Variants in UVRAG observed in about 807,000 individuals in gnomAD.
The protein encoded by UVRAG is UV radiation resistance-associated gene protein.
Under a neutral mutation model 78.0 loss-of-function variants are expected in UVRAG, and 19 were observed. The observed-to-expected ratio is 0.24, with a 90% CI of 0.17 to 0.36. The LOEUF is 0.36. Among genes scored for constraint, UVRAG ranks in the 10% least tolerant of loss-of-function variants. The pLI, the probability that UVRAG is intolerant of heterozygous loss-of-function variation, is 1.00. For synonymous variants in UVRAG, 323 were observed against 324.6 expected (o/e 1.00, Z 0.05); for missense variants, 740 against 853.8 (o/e 0.87, Z 1.66).
At position 75,872,855 on chromosome 11, in the gene UVRAG, A is replaced by G. The variant is rs532490383; in HGVS notation, c.271-7024A>G. On this transcript the variant is annotated intron_variant, in intron 3 of 14. Transcript: ENST00000356136. ...CACAGGACTCTTGAGTTTCATGAAG[A>G]TTAAGTAAGAATATATAGTCAAATT... 9.8e-5 allele frequency among the ~76,000 whole-genome samples: 15 copies of G among 152,346 alleles called. No homozygotes were observed. The South Asian group carries it at 3.1e-3, about 32-fold the overall frequency.
intron 6 of UVRAG, among the ~76,000 whole-genome samples, chr11:75,939,772 A>AT (rs1948446195): frequency 6.6e-6 from 1 of 152,112 alleles, no homozygotes; most frequent in African/African-American, 2.4e-5. Context: ...GTGGTGTCTT[A>AT]TTTTTTGGAA....
chr11:76,088,494 G>A (rs1263032383), intron 13 of UVRAG, among the ~76,000 whole-genome samples: 1 of 45,282 alleles, frequency 2.2e-5, no homozygotes, highest in Middle Eastern at 0.011. Context: ...GCCCACCCGC[G>A]CCCCCTCCCC....
intron 3 of UVRAG, chr11:75,878,336 A>G (rs1400321754): frequency 1.7e-5 from 3 of 181,152 alleles, no homozygotes; most frequent in African/African-American, 2.5e-5. Context: ...CACTTCCTAG[A>G]TGGGATGGCG....
chr11:76,132,020 G>A (rs936244721), intron 14 of UVRAG, among the ~76,000 whole-genome samples: 25 of 152,322 alleles, frequency 1.6e-4, no homozygotes, highest in African/African-American at 2.2e-4. Context: ...GCCAAAAGAC[G>A]TAATTCTACC....
At chr11:75,836,302 G>GT (rs1945774165) in intron 1 of UVRAG, among the ~76,000 whole-genome samples, 1 of 152,110 alleles carries the variant, frequency 6.6e-6, no homozygotes, top group Non-Finnish European at 1.5e-5. Flanking sequence ...GACATTTTAA[G>GT]TTTAAGAAGC....
Position 75,911,939 on chromosome 11 carries a change from G to A in UVRAG, c.508-15G>A, listed in dbSNP as rs61631142. 172,520 of 1,562,944 alleles carry A rather than the reference G, an allele frequency of 0.11. 15,711 individuals carry two copies. Among genetic ancestry groups the A allele is most frequent in the African/African-American group, 0.46 (34,076 of 73,708 alleles). ...TTGTTTGGTTTTGATTAATTTGTTG[G>A]TTAATGTCTTTCAGGGTTATTCAAA... is the stretch of plus-strand genomic sequence containing the variant. On this transcript the variant is annotated splice_polypyrimidine_tract_variant and intron_variant, in intron 5 of 14. Coordinates refer to ENST00000356136, the MANE Select transcript of UVRAG (RefSeq NM_003369.4).
At chr11:75,963,537 G>T (rs761879756) in intron 7 of UVRAG, among the ~76,000 whole-genome samples, 16 of 152,114 alleles carry the variant, frequency 1.1e-4, no homozygotes, top group Non-Finnish European at 2.1e-4. Flanking sequence ...TTGGCCCATG[G>T]CCATTGTATT....
At chr11:75,981,636 T>C (rs1949396360) in intron 7 of UVRAG, among the ~76,000 whole-genome samples, 1 of 152,138 alleles carries the variant, frequency 6.6e-6, no homozygotes, top group Non-Finnish European at 1.5e-5. Flanking sequence ...TCAAATACTT[T>C]TTCAGTCCTT....
At chr11:75,939,576 T>TAC (rs1242520403) in intron 6 of UVRAG, among the ~76,000 whole-genome samples, 2 of 152,018 alleles carry the variant, frequency 1.3e-5, no homozygotes, top group East Asian at 3.8e-4. Flanking sequence ...TATGCATACA[T>TAC]ACACACACAC....
chr11:76,052,899 C>T (rs1950896129), intron 12 of UVRAG, among the ~76,000 whole-genome samples: 1 of 151,070 alleles, frequency 6.6e-6, no homozygotes, highest in East Asian at 1.9e-4. Flanking sequence ...ATTTTGTCAC[C>T]TCATTTCATT....
intron 4 of UVRAG, among the ~76,000 whole-genome samples, chr11:75,885,591 A>C (rs1158621020): frequency 6.6e-6 from 1 of 152,108 alleles, no homozygotes; most frequent in Admixed American, 6.5e-5. Flanking sequence ...AGCTGTCTTA[A>C]AAAGTATGCT....
chr11:75,956,637 A>T (rs865874514), intron 6 of UVRAG, among the ~76,000 whole-genome samples: 27 of 152,214 alleles, frequency 1.8e-4, no homozygotes, highest in African/African-American at 5.8e-4. Context: ...CTTGCAATTT[A>T]AATTTAAATT....
chr11:76,104,212 G>T (rs568185306), intron 13 of UVRAG, among the ~76,000 whole-genome samples: 1 of 152,252 alleles, frequency 6.6e-6, no homozygotes, highest in Non-Finnish European at 1.5e-5. Context: ...AAGATTAAAT[G>T]AGATGACATA....
intron 6 of UVRAG, among the ~76,000 whole-genome samples, chr11:75,952,792 T>G (rs973687089): frequency 6.6e-6 from 1 of 152,142 alleles, no homozygotes; most frequent in African/African-American, 2.4e-5. Flanking sequence ...CAGGGTCATG[T>G]TGACCTCATG....
intron 6 of UVRAG, chr11:75,915,209 A>T (rs1170017420): frequency 2.0e-5 from 3 of 152,250 alleles, no homozygotes; most frequent in Non-Finnish European, 2.9e-5. Flanking sequence ...GTGCCACTGC[A>T]CTCCAGCCTG....
At chr11:75,900,417 G>A (rs1441745805) in intron 5 of UVRAG, among the ~76,000 whole-genome samples, 1 of 152,074 alleles carries the variant, frequency 6.6e-6, no homozygotes, top group Non-Finnish European at 1.5e-5. Flanking sequence ...TTAACATGCT[G>A]TCACTGTTGC....
intron 14 of UVRAG, among the ~76,000 whole-genome samples, chr11:76,128,441 G>A (rs1022925667): frequency 1.3e-5 from 2 of 152,164 alleles, no homozygotes; most frequent in African/African-American, 4.8e-5. Context: ...AGCATATGTT[G>A]ATAAGTGTCA....
chr11:76,060,107 T>C (rs908039877), intron 12 of UVRAG, among the ~76,000 whole-genome samples: 39 of 152,128 alleles, frequency 2.6e-4, no homozygotes, highest in Non-Finnish European at 4.9e-4. Flanking sequence ...TTTATAAATA[T>C]TTAAAGTTTG....
intron 2 of UVRAG, among the ~76,000 whole-genome samples, chr11:75,853,406 C>T (rs2134751012): frequency 6.6e-6 from 1 of 151,158 alleles, no homozygotes; most frequent in Non-Finnish European, 1.5e-5. Flanking sequence ...CCCAGCCAGC[C>T]TGGAGTGCAA....
Sources: gnomAD v4.1 joint callset for allele counts (sites outside exome capture counted in the v4.1 genomes callset) on GRCh38, gnomAD v4.1.1 for gene constraint, MANE v1.5 for transcripts, NCBI Gene and HGNC (gene_info 2026-07-23, HGNC 2026-07-21) for gene names.